The following DOK6 variants were observed in gnomAD, a reference collection of about 807,000 sequenced individuals.
DOK6 encodes docking protein 6.
Under a neutral mutation model 44.0 loss-of-function variants are expected in DOK6, and 22 were observed. The ratio of observed to expected loss-of-function variants is 0.50; its 90% CI spans 0.36 to 0.71. The LOEUF is 0.71. DOK6 is among the 30% of genes least tolerant of loss of function. DOK6 has a pLI of 0.00. For missense variants in DOK6, 340 were observed against 416.4 expected, an observed-to-expected ratio of 0.82 and a Z score of 1.60; for synonymous variants, 166 against 145.5, an observed-to-expected ratio of 1.14 and a Z score of -1.01.
chr18:69,571,880 C>G (rs1221007711), intron 2 of DOK6, among the ~76,000 whole-genome samples: 1 of 151,908 alleles, frequency 6.6e-6, no homozygotes, highest in Non-Finnish European at 1.5e-5. Context: ...CACAATCAAC[C>G]ACTTTGACTT....
chr18:69,433,119 A>G (rs1193761395), intron 1 of DOK6, among the ~76,000 whole-genome samples: 1 of 152,216 alleles, frequency 6.6e-6, no homozygotes, highest in Non-Finnish European at 1.5e-5. Flanking sequence ...TTATTTAAAA[A>G]GCTTGATTGT....
intron 6 of DOK6, among the ~76,000 whole-genome samples, chr18:69,745,303 GGAACT>G (rs1232199156): frequency 2.0e-5 from 3 of 152,158 alleles, no homozygotes; most frequent in African/African-American, 7.2e-5. Context: ...TTGCTTTGCT[GGAACT>G]GAACAATATA....
chr18:69,804,596 T>C (rs1289913834), intron 7 of DOK6, among the ~76,000 whole-genome samples: 25 of 152,176 alleles, frequency 1.6e-4, no homozygotes, highest in Admixed American at 1.6e-3. Flanking sequence ...ATCAGTGGCA[T>C]GTATTAACAA....
At chr18:69,653,042 C>T (rs867896858) in intron 3 of DOK6, among the ~76,000 whole-genome samples, 3 of 152,088 alleles carry the variant, frequency 2.0e-5, no homozygotes, top group East Asian at 1.9e-4. Flanking sequence ...CCAACACTCT[C>T]GTTAAAAACA....
At chr18:69,834,333 C>G (rs934158344) in intron 7 of DOK6, among the ~76,000 whole-genome samples, 3 of 151,690 alleles carry the variant, frequency 2.0e-5, no homozygotes, top group Non-Finnish European at 3.0e-5. Flanking sequence ...ATGTGGATCT[C>G]CTGGAGATAG....
At chr18:69,659,690 A>G (rs1316742333) in intron 3 of DOK6, 1 of 151,906 alleles carries the variant, frequency 6.6e-6, no homozygotes, top group East Asian at 1.9e-4. Flanking sequence ...GCTAAAAAGG[A>G]CGTTAATCTG....
intron 5 of DOK6, among the ~76,000 whole-genome samples, chr18:69,714,233 T>C (rs1460320848): frequency 1.1e-4 from 16 of 152,176 alleles, no homozygotes; most frequent in Admixed American, 9.8e-4. Context: ...TTCTGGAGAA[T>C]AACAAACTAC....
chr18:69,655,852 CAT>C (rs1046759713), intron 3 of DOK6, among the ~76,000 whole-genome samples: 1 of 130,528 alleles, frequency 7.7e-6, no homozygotes, highest in African/African-American at 2.9e-5. Flanking sequence ...TAAAATATGA[CAT>C]ATGATAAAAA....
In DOK6 at chr18:69,577,321, G is replaced by A. The variant is rs541603349; in HGVS notation, c.174+12727G>A. Among the ~76,000 whole-genome samples the A allele has an allele frequency of 3.3e-5, 5 of 152,244 alleles. No homozygotes were observed. The East Asian group carries it at 7.7e-4, about 23-fold the overall frequency. ...GCTTGGATGAGCACATATGTCATGC[G>A]ATGTGAAAGCTGTTAAAGGGCTTGG... On this transcript the variant is annotated intron_variant, in intron 2 of 7. Coordinates refer to ENST00000382713, the MANE Select transcript of DOK6 (RefSeq NM_152721.6).
rs1979412994 is a variant in DOK6 at position 69,757,891 on chromosome 18, A to G, written c.856+18A>G. On this transcript the variant is annotated intron_variant, in intron 7 of 7. Transcript: ENST00000382713. ...TTTGCAAGGCAAGTCACTTTAATGT[A>G]AGAAAGCAGTGCCTCCATAAGCTTC... 1.2e-6 allele frequency: 2 copies of G among 1,601,464 alleles called. No individual in the cohort carries two copies. Among genetic ancestry groups the G allele is most frequent in the African/African-American group, 1.3e-5 (1 of 74,646 alleles).
intron 5 of DOK6, among the ~76,000 whole-genome samples, chr18:69,714,732 CA>C (rs1302171451): frequency 2.0e-5 from 3 of 152,066 alleles, no homozygotes; most frequent in Non-Finnish European, 4.4e-5. Context: ...GGAAATTTTG[CA>C]AGGCAATTCA....
intron 1 of DOK6, among the ~76,000 whole-genome samples, chr18:69,497,854 G>C (rs1263377576): frequency 6.6e-6 from 1 of 152,124 alleles, no homozygotes; most frequent in Non-Finnish European, 1.5e-5. Context: ...GACAGGTATA[G>C]TTGTTCATGC....
chr18:69,433,336 A>C (rs909446648), intron 1 of DOK6, among the ~76,000 whole-genome samples: 2 of 152,166 alleles, frequency 1.3e-5, no homozygotes, highest in African/African-American at 4.8e-5. Context: ...AAAATATCTC[A>C]TTGTTAAGTT....
chr18:69,774,738 T>C (rs1215086587), intron 7 of DOK6, among the ~76,000 whole-genome samples: 1 of 151,880 alleles, frequency 6.6e-6, no homozygotes, highest in Non-Finnish European at 1.5e-5. Context: ...AGTATGAATA[T>C]TGAACACAGA....
chr18:69,459,187 TTGTGTGTGTGTGTGTGTGTGTGTGTGTG>T (rs71176967), intron 1 of DOK6, among the ~76,000 whole-genome samples: 21 of 136,970 alleles, frequency 1.5e-4, no homozygotes, highest in African/African-American at 5.3e-4. Context: ...AAAAAATATT[TTGTGTGTGTGTGTGTGTGTGTGTGTGTG>T]TGTGTGTGTG....
At chr18:69,431,116 C>T (rs1300298896) in intron 1 of DOK6, among the ~76,000 whole-genome samples, 1 of 152,150 alleles carries the variant, frequency 6.6e-6, no homozygotes, top group Non-Finnish European at 1.5e-5. Flanking sequence ...TTTAGGAGTT[C>T]TCACCAAACT....
chr18:69,714,589 T>G (rs76962660), intron 5 of DOK6, among the ~76,000 whole-genome samples: 2,464 of 152,282 alleles, frequency 0.016, 76 homozygotes, highest in African/African-American at 0.057. Context: ...TTAATGTTCT[T>G]TTATAAATGA....
chr18:69,421,599 G>C (rs1000003496), intron 1 of DOK6, among the ~76,000 whole-genome samples: 1 of 152,122 alleles, frequency 6.6e-6, no homozygotes, highest in African/African-American at 2.4e-5. Context: ...ATACAGATTT[G>C]ATTTGCCACA....
At chr18:69,618,980 A>G (rs2144637160) in intron 3 of DOK6, among the ~76,000 whole-genome samples, 1 of 152,364 alleles carries the variant, frequency 6.6e-6, no homozygotes, top group Middle Eastern at 3.4e-3. Context: ...ACACACCCAC[A>G]CAACACAAAA....
Sources: allele counts gnomAD v4.1 joint callset (sites outside exome capture counted in the v4.1 genomes callset), GRCh38; gene constraint gnomAD v4.1.1; transcripts MANE v1.5; gene names NCBI Gene and HGNC (gene_info 2026-07-23, HGNC 2026-07-21).